POLA1: variants seen among roughly 807,000 people sequenced by gnomAD.
The protein encoded by POLA1 is DNA polymerase alpha 1, catalytic subunit.
POLA1 carries 15 observed loss-of-function variants against 124.0 expected under a neutral mutation model. The ratio of observed to expected loss-of-function variants is 0.12; its 90% CI spans 0.08 to 0.19. The LOEUF is 0.19. Ranked by LOEUF, POLA1 falls within the 10% of genes least tolerant of loss-of-function variation. The probability of loss-of-function intolerance (pLI) is 1.00; values close to 1 mark genes in which losing one functional copy is unlikely to be tolerated. For missense variants in POLA1, 886 were observed against 1,103.4 expected (o/e 0.80, Z 2.79); for synonymous variants, 408 against 389.4 (o/e 1.05, Z -0.56).
chrX:24,770,298 A>G (rs988778843), intron 26 of POLA1, among the ~76,000 whole-genome samples: 1 of 111,202 alleles, frequency 9.0e-6, no homozygotes, highest in Non-Finnish European at 1.9e-5. Flanking sequence ...AAAGGAAAGA[A>G]ATTGCCCTGT....
intron 19 of POLA1, among the ~76,000 whole-genome samples, chrX:24,737,991 A>C (rs905201459): frequency 4.1e-5 from 4 of 98,561 alleles, no homozygotes; most frequent in Non-Finnish European, 5.7e-5. Context: ...AGGCGGGTGG[A>C]TCATGAGGTC....
chrX:24,871,741 T>C lies in POLA1; in HGVS notation c.4048-16265T>C, dbSNP rs1015537083. Among the ~76,000 whole-genome samples the C allele has an allele frequency of 2.7e-5, 3 of 111,674 alleles. No individual in the cohort carries two copies. The East Asian group carries it at 8.4e-4, about 31-fold the overall frequency. On this transcript the variant is annotated intron_variant, in intron 34 of 36. Transcript: ENST00000379068. ...CTGCCCCATTTCAAGTTGTGGTTTTTAGAGGCAGAGCCAGGAGAAATGATT... is the reference window on the plus strand; with the variant it reads ...CTGCCCCATTTCAAGTTGTGGTTTTCAGAGGCAGAGCCAGGAGAAATGATT...
chrX:24,696,579 T>C (rs1350975540), intron 1 of POLA1, among the ~76,000 whole-genome samples: 2 of 111,871 alleles, frequency 1.8e-5, no homozygotes, highest in Non-Finnish European at 3.8e-5. Flanking sequence ...TGCTCTAGGC[T>C]GCAAGGGTGT....
At chrX:24,952,881 G>C (rs2048064202) in intron 36 of POLA1, among the ~76,000 whole-genome samples, 1 of 112,241 alleles carries the variant, frequency 8.9e-6, no homozygotes, top group Non-Finnish European at 1.9e-5. Flanking sequence ...TTTCCAGGGT[G>C]ATGTGGTGAT....
At chrX:24,747,199 C>G (rs1473415473) in intron 24 of POLA1, among the ~76,000 whole-genome samples, 11 of 102,383 alleles carry the variant, frequency 1.1e-4, no homozygotes, top group African/African-American at 4.0e-4. Flanking sequence ...GAATTTCGCT[C>G]TTTTTGCCCA....
chrX:24,823,345 TTC>T (rs1421246581), intron 31 of POLA1, among the ~76,000 whole-genome samples: 1 of 111,930 alleles, frequency 8.9e-6, no homozygotes, highest in African/African-American at 3.2e-5. Context: ...ACTCAAATTA[TTC>T]TGTTTCATAA....
intron 35 of POLA1, among the ~76,000 whole-genome samples, chrX:24,903,909 CTT>C (rs1174353237): frequency 1.0e-5 from 1 of 95,946 alleles, no homozygotes. Context: ...GACCAGATTT[CTT>C]TTTTTTTTTT....
chrX:24,706,953 TA>T (rs1193009657), intron 4 of POLA1, among the ~76,000 whole-genome samples: 3 of 112,641 alleles, frequency 2.7e-5, no homozygotes, highest in Non-Finnish European at 5.6e-5. Context: ...TACAAAAAAA[TA>T]AGCATATGTA....
chrX:24,746,953 A>G, intron 24 of POLA1, among the ~76,000 whole-genome samples: 1 of 111,819 alleles, frequency 8.9e-6, no homozygotes, highest in Admixed American at 9.5e-5. Flanking sequence ...TACGGAGGCT[A>G]GGGAAAAATG....
At chrX:24,790,911 G>GTGTATA (rs1491219027) in intron 26 of POLA1, among the ~76,000 whole-genome samples, 7 of 78,300 alleles carry the variant, frequency 8.9e-5, no homozygotes, top group Admixed American at 4.2e-4. Context: ...TTATGTATAT[G>GTGTATA]TATATATATA....
At chrX:24,899,860 G>C (rs1190235939) in intron 35 of POLA1, among the ~76,000 whole-genome samples, 1 of 111,235 alleles carries the variant, frequency 9.0e-6, no homozygotes, top group African/African-American at 3.3e-5. Flanking sequence ...CTTCTTAATG[G>C]AATTTTTATT....
chrX:24,949,662 A>C (rs2048009314), intron 36 of POLA1, among the ~76,000 whole-genome samples: 1 of 109,095 alleles, frequency 9.2e-6, no homozygotes, highest in Non-Finnish European at 1.9e-5. Context: ...TAAATCATAT[A>C]AAAATATAAC....
chrX:24,967,534 G>A (rs764067653), intron 36 of POLA1, among the ~76,000 whole-genome samples: 2 of 110,462 alleles, frequency 1.8e-5, no homozygotes, highest in East Asian at 5.7e-4. Flanking sequence ...AGTCGTGCAT[G>A]CCTGTAGTCC....
intron 26 of POLA1, among the ~76,000 whole-genome samples, chrX:24,804,791 C>G (rs1569318336): frequency 9.0e-6 from 1 of 111,174 alleles, no homozygotes; most frequent in African/African-American, 3.3e-5. Flanking sequence ...CATTTCATAA[C>G]CTTTGGATGC....
At chrX:24,784,213 C>T (rs1008057746) in intron 26 of POLA1, among the ~76,000 whole-genome samples, 2 of 107,007 alleles carry the variant, frequency 1.9e-5, no homozygotes, top group African/African-American at 3.4e-5. Flanking sequence ...CCACCATGCC[C>T]GGCTAATTTT....
chrX:24,914,881 C>T (rs181776574), intron 35 of POLA1, among the ~76,000 whole-genome samples: 1 of 111,924 alleles, frequency 8.9e-6, no homozygotes, highest in African/African-American at 3.2e-5. Context: ...ACATCCCTTC[C>T]TGTGGGTTAA....
chrX:24,947,950 G>A (rs1182278404), intron 36 of POLA1, among the ~76,000 whole-genome samples: 1 of 112,233 alleles, frequency 8.9e-6, no homozygotes, highest in African/African-American at 3.2e-5. Context: ...GAGCGAGTTA[G>A]AAAATCTATT....
chrX:24,955,372 G>A (rs1474354604), intron 36 of POLA1, among the ~76,000 whole-genome samples: 20 of 108,467 alleles, frequency 1.8e-4, no homozygotes, highest in African/African-American at 6.7e-4. Context: ...TAGAGACTGG[G>A]TCTTGCCATG....
intron 36 of POLA1, among the ~76,000 whole-genome samples, chrX:24,982,326 ACT>A (rs911173700): frequency 2.7e-5 from 3 of 109,749 alleles, no homozygotes; most frequent in East Asian, 2.9e-4. Context: ...TACTCTGAAA[ACT>A]CTTTGTCAGA....
Sources: gnomAD v4.1 joint callset for allele counts (sites outside exome capture counted in the v4.1 genomes callset) on GRCh38, gnomAD v4.1.1 for gene constraint, MANE v1.5 for transcripts, NCBI Gene and HGNC (gene_info 2026-07-23, HGNC 2026-07-21) for gene names.